Variants in KIAA1217 observed in about 807,000 individuals in gnomAD.
KIAA1217 encodes the protein sickle tail protein homolog.
A neutral mutation model predicts 163.9 loss-of-function variants in KIAA1217; 88 were observed. That is an observed-to-expected ratio of 0.54 (90% confidence interval 0.45 to 0.64). The LOEUF (loss-of-function observed/expected upper bound fraction) is 0.64, where lower values mean the gene tolerates loss of function less well. KIAA1217 is among the 30% of genes least tolerant of loss of function. The pLI is 0.00. For missense variants in KIAA1217, 2,372 were observed against 2,475.0 expected, an observed-to-expected ratio of 0.96 and a Z score of 0.88; for synonymous variants, 903 against 923.1, an observed-to-expected ratio of 0.98 and a Z score of 0.39.
intron 10 of KIAA1217, among the ~76,000 whole-genome samples, chr10:24,516,199 A>G (rs1258807671): frequency 6.6e-6 from 1 of 152,230 alleles, no homozygotes; most frequent in Non-Finnish European, 1.5e-5. Flanking sequence ...CTGCAAACCA[A>G]CAAGTTTCTG....
intron 2 of KIAA1217, among the ~76,000 whole-genome samples, chr10:24,337,036 C>T (rs1420458614): frequency 2.0e-5 from 3 of 151,884 alleles, no homozygotes; most frequent in East Asian, 1.9e-4. Context: ...AAAACACAGG[C>T]GACAAAAGAA....
At chr10:24,243,926 C>T (rs749855712) in intron 2 of KIAA1217, among the ~76,000 whole-genome samples, 19 of 152,122 alleles carry the variant, frequency 1.2e-4, no homozygotes, top group Non-Finnish European at 2.1e-4. Flanking sequence ...GTAGCGATCG[C>T]ATTGAGCAGA....
chr10:23,967,060 A>G (rs1200072620), intron 1 of KIAA1217, among the ~76,000 whole-genome samples: 1 of 152,096 alleles, frequency 6.6e-6, no homozygotes, highest in Non-Finnish European at 1.5e-5. Flanking sequence ...ATTAAGTTTT[A>G]AAAGAAAAAA....
intron 2 of KIAA1217, among the ~76,000 whole-genome samples, chr10:24,136,513 A>AAGAG (rs112082307): frequency 3.3e-5 from 5 of 150,530 alleles, no homozygotes; most frequent in African/African-American, 9.7e-5. Context: ...GCTACTTTAA[A>AAGAG]AGAGAGAGAG....
chr10:24,200,142 C>A (rs974674896), intron 2 of KIAA1217, among the ~76,000 whole-genome samples: 7 of 151,732 alleles, frequency 4.6e-5, no homozygotes, highest in Admixed American at 4.6e-4. Context: ...TCTCTTTCTC[C>A]TTTTCTCTCT....
chr10:24,447,066 C>G (rs879661377), intron 5 of KIAA1217, among the ~76,000 whole-genome samples: 4 of 152,086 alleles, frequency 2.6e-5, no homozygotes, highest in Non-Finnish European at 5.9e-5. Flanking sequence ...CACTTCTTTC[C>G]AAACCTCACC....
chr10:23,709,391 G>A (rs147958686), intron 1 of KIAA1217, among the ~76,000 whole-genome samples: 2 of 152,040 alleles, frequency 1.3e-5, no homozygotes, highest in East Asian at 1.9e-4. Context: ...AGCCAGGCAC[G>A]GTGGTTACAC....
chr10:24,158,073 A>C, intron 2 of KIAA1217: 1 of 755,828 alleles, frequency 1.3e-6, no homozygotes, highest in Non-Finnish European at 2.5e-6. Flanking sequence ...TTACTAGCTC[A>C]TAAAGATAAA....
At chr10:24,335,627 G>T (rs11014035) in intron 2 of KIAA1217, among the ~76,000 whole-genome samples, 106,174 of 135,976 alleles carry the variant, frequency 0.78, 38,388 homozygotes, top group Middle Eastern at 0.86. Flanking sequence ...TTTATTTATT[G>T]GAGATGGAGT....
chr10:24,476,756 G>T (rs2064087651), intron 6 of KIAA1217, among the ~76,000 whole-genome samples: 1 of 152,102 alleles, frequency 6.6e-6, no homozygotes, highest in Non-Finnish European at 1.5e-5. Flanking sequence ...GAATTGGAAT[G>T]CTTGGGTATA....
intron 2 of KIAA1217, among the ~76,000 whole-genome samples, chr10:24,116,028 A>C (rs1187081106): frequency 6.6e-6 from 1 of 151,044 alleles, no homozygotes; most frequent in African/African-American, 2.4e-5. Flanking sequence ...CCCAATCCTC[A>C]CTCTCAGCCC....
At chr10:23,762,116 C>A (rs1193495266) in intron 1 of KIAA1217, among the ~76,000 whole-genome samples, 1 of 151,958 alleles carries the variant, frequency 6.6e-6, no homozygotes, top group Non-Finnish European at 1.5e-5. Context: ...TAATTAATAG[C>A]CTACCAACAA....
At chr10:23,850,636 TAATA>T (rs1379202386) in intron 1 of KIAA1217, among the ~76,000 whole-genome samples, 2 of 152,128 alleles carry the variant, frequency 1.3e-5, no homozygotes, top group Admixed American at 6.6e-5. Context: ...TGCTTTCAAT[TAATA>T]AATAAATTAA....
rs76426418 is a variant in KIAA1217, at chr10:23,927,525, A to G, written c.-320-79700A>G. Among the ~76,000 whole-genome samples, 220 of 152,284 alleles carry G rather than the reference A, an allele frequency of 1.4e-3. 1 individual carries two copies. Among genetic ancestry groups the G allele is most frequent in the Admixed American group, 9.8e-3 (149 of 15,276 alleles). On this transcript the variant is annotated intron_variant, in intron 1 of 18. Transcript: ENST00000376462. ...CAAAATCAAATTTTATTTTCCTGTG[A>G]GAGAAGGATGACATGCTGTGAGATG...
intron 2 of KIAA1217, among the ~76,000 whole-genome samples, chr10:24,109,818 C>T (rs919080868): frequency 6.6e-6 from 1 of 152,192 alleles, no homozygotes; most frequent in Non-Finnish European, 1.5e-5. Context: ...GATTTGGAAT[C>T]GATCAAAACG....
chr10:23,730,112 A>T (rs1242594061), intron 1 of KIAA1217, among the ~76,000 whole-genome samples: 1 of 152,026 alleles, frequency 6.6e-6, no homozygotes, highest in East Asian at 1.9e-4. Flanking sequence ...TGTGTTAGCC[A>T]GGTTGGTCTC....
chr10:23,909,022 A>G (rs1365637648), intron 1 of KIAA1217, among the ~76,000 whole-genome samples: 1 of 152,222 alleles, frequency 6.6e-6, no homozygotes, highest in Non-Finnish European at 1.5e-5. Flanking sequence ...CTACTCAGCC[A>G]TAAAAAGGAA....
At chr10:24,365,696 T>TTTTA (rs918761985) in intron 2 of KIAA1217, among the ~76,000 whole-genome samples, 9 of 152,170 alleles carry the variant, frequency 5.9e-5, no homozygotes, top group Non-Finnish European at 7.3e-5. Context: ...CTTCAAGTTC[T>TTTTA]TTTATTTATT....
chr10:24,095,016 G>A (rs915704712), intron 2 of KIAA1217, among the ~76,000 whole-genome samples: 84 of 152,164 alleles, frequency 5.5e-4, no homozygotes, highest in African/African-American at 1.9e-3. Context: ...GTGAGACTCC[G>A]TGGGCATAGG....
Sources: allele counts gnomAD v4.1 joint callset (sites outside exome capture counted in the v4.1 genomes callset), GRCh38; gene constraint gnomAD v4.1.1; transcripts MANE v1.5; gene names NCBI Gene and HGNC (gene_info 2026-07-23, HGNC 2026-07-21).